MFHAS1: variants seen among roughly 807,000 people sequenced by gnomAD.
MFHAS1 encodes malignant fibrous histiocytoma-amplified sequence 1.
MFHAS1 carries 50 observed loss-of-function variants against 70.4 expected under a neutral mutation model. The ratio of observed to expected loss-of-function variants is 0.71; its 90% CI spans 0.57 to 0.90. The LOEUF (loss-of-function observed/expected upper bound fraction) is 0.90. MFHAS1 is among the 40% of genes least tolerant of loss of function. The probability of loss-of-function intolerance (pLI) is 0.00; values close to 1 mark genes in which losing one functional copy is unlikely to be tolerated. For missense variants in MFHAS1, 1,795 were observed against 1,347.6 expected (o/e 1.33, Z -5.20); for synonymous variants, 952 against 620.0 (o/e 1.54, Z -7.96).
In MFHAS1 at chr8:8,891,914, T is replaced by C; in HGVS notation, c.1145A>G (p.Tyr382Cys). 1 of 1,610,564 alleles carries C rather than the reference T, an allele frequency of 6.2e-7. No individual in the cohort carries two copies. Among genetic ancestry groups the C allele is most frequent in the Non-Finnish European group, 8.5e-7 (1 of 1,178,204 alleles). ...GGGGATCCCCTTCATGCAGACCTCGTAGGGGGGCTGGATCAGTGGGTTGTC... is the reference window on the plus strand; with the variant it reads ...GGGGATCCCCTTCATGCAGACCTCGCAGGGGGGCTGGATCAGTGGGTTGTC... The part of the protein sequence containing the change: ...IKDNPLIQPP[Y>C]EVCMKGIPYI... Residue 382 changes from tyrosine to cysteine, a missense_variant, in exon 1 of 3, where the codon TAC (tyrosine) becomes TGC (cysteine). Coordinates refer to ENST00000276282, the MANE Select transcript of MFHAS1 (RefSeq NM_004225.3). This position sits in a 1 kb window ranked among gnomAD's most constrained non-coding sequence, Gnocchi z 5.4.
At chr8:8,832,921 A>G (rs1807459963) in intron 1 of MFHAS1, among the ~76,000 whole-genome samples, 2 of 151,976 alleles carry the variant, frequency 1.3e-5, no homozygotes, top group Non-Finnish European at 2.9e-5. Context: ...AATACTTGAG[A>G]CCGGGTAATT....
chr8:8,790,015 G>A (rs1464135353), intron 2 of MFHAS1, among the ~76,000 whole-genome samples: 1 of 152,054 alleles, frequency 6.6e-6, no homozygotes, highest in African/African-American at 2.4e-5. Flanking sequence ...AGTTCCTGAA[G>A]GTGTGGACCC....
At chr8:8,831,151 C>A (rs1358055406) in intron 1 of MFHAS1, among the ~76,000 whole-genome samples, 1 of 151,776 alleles carries the variant, frequency 6.6e-6, no homozygotes, top group Admixed American at 6.6e-5. Flanking sequence ...AGTGGGCTCT[C>A]GGGGGTCTCT....
At chr8:8,819,498 G>A (rs533701381) in intron 1 of MFHAS1, among the ~76,000 whole-genome samples, 7 of 151,748 alleles carry the variant, frequency 4.6e-5, no homozygotes, top group Non-Finnish European at 8.8e-5. Context: ...CCAGCTACTC[G>A]GGAGGCTGAG....
At chr8:8,872,514 G>C (rs1190354704) in intron 1 of MFHAS1, among the ~76,000 whole-genome samples, 1 of 152,180 alleles carries the variant, frequency 6.6e-6, no homozygotes, top group Non-Finnish European at 1.5e-5. Flanking sequence ...GCAAGAAAAT[G>C]TTATCAGCCC....
At chr8:8,840,150 G>A (rs898691950) in intron 1 of MFHAS1, among the ~76,000 whole-genome samples, 1 of 152,114 alleles carries the variant, frequency 6.6e-6, no homozygotes. Context: ...GAAGACTCCA[G>A]GGACGCAACA....
chr8:8,847,052 C>T (rs899727884), intron 1 of MFHAS1, among the ~76,000 whole-genome samples: 2 of 152,176 alleles, frequency 1.3e-5, no homozygotes, highest in Admixed American at 1.3e-4. Context: ...CAAACACACT[C>T]AGAAAAACAA....
At chr8:8,887,380 T>C (rs1405632787) in intron 1 of MFHAS1, among the ~76,000 whole-genome samples, 1 of 151,950 alleles carries the variant, frequency 6.6e-6, no homozygotes, top group African/African-American at 2.4e-5. Context: ...CACAGAAAAA[T>C]ACAGAAGAGG....
rs766559867 is a variant in MFHAS1 at position 8,890,899 on chromosome 8, C to G, written c.2160G>C (p.Pro720=). Residue 720 remains proline (P), a synonymous_variant, in exon 1 of 3, where the codon CCG becomes CCC. Transcript: ENST00000276282. ...TGTGGAAGACGTGCTCCTTGAGAGC[C>G]GGACTGTCCTCAAAGTAGAGTAGCT... The part of the protein sequence containing the change: ...SGKLLYFEDS[P]ALKEHVFHNL... 5.0e-6 allele frequency: 8 copies of G among 1,613,952 alleles called. No homozygotes were observed. The East Asian group carries it at 1.3e-4, about 27-fold the overall frequency.
intron 2 of MFHAS1, chr8:8,790,480 G>T: frequency 1.8e-6 from 1 of 569,818 alleles, no homozygotes; most frequent in Non-Finnish European, 2.2e-6. Context: ...GCTGACGGGA[G>T]ACTAAATAAT....
At chr8:8,794,136 G>C (rs1263027344) in intron 2 of MFHAS1, among the ~76,000 whole-genome samples, 2 of 151,982 alleles carry the variant, frequency 1.3e-5, no homozygotes, top group Admixed American at 1.3e-4. Flanking sequence ...TTTGCAATGA[G>C]CTGAGATCGC....
intron 1 of MFHAS1, among the ~76,000 whole-genome samples, chr8:8,798,706 T>C (rs1296274402): frequency 1.3e-5 from 2 of 152,088 alleles, no homozygotes; most frequent in Non-Finnish European, 2.9e-5. Flanking sequence ...CTACTGCAAT[T>C]ACAACTTCAA....
intron 1 of MFHAS1, among the ~76,000 whole-genome samples, chr8:8,824,104 C>G (rs1807066671): frequency 6.6e-6 from 1 of 151,574 alleles, no homozygotes; most frequent in South Asian, 2.1e-4. Flanking sequence ...ATCTATGCAT[C>G]CGTACAGCTC....
intron 1 of MFHAS1, among the ~76,000 whole-genome samples, chr8:8,889,466 A>G (rs1809901637): frequency 1.3e-5 from 2 of 152,214 alleles, no homozygotes; most frequent in Admixed American, 1.3e-4. Flanking sequence ...TTTACTTTCT[A>G]ATTACATTCT....
chr8:8,785,737 C>CTTTTTTT lies in MFHAS1; in HGVS notation c.*278_*284dup, dbSNP rs36026181. 2 of 230,002 alleles carry CTTTTTTT rather than the reference C, an allele frequency of 8.7e-6. No homozygotes were observed. Among genetic ancestry groups the CTTTTTTT allele is most frequent in the Non-Finnish European group, 8.3e-6 (1 of 120,470 alleles). The allele number at this position is 230,002 out of a possible 1,614,324, so 14.2% of individuals were successfully genotyped here. A position where few individuals can be genotyped will look rare whatever the true frequency, so the allele number is the denominator to read the frequency against. ...ACAAAATCCCTGAGAAGCCATTCGA[C>CTTTTTTT]TTTTTTTTTTTTTTTTTCTTTTCTT... On this transcript the variant is annotated 3_prime_UTR_variant, in exon 3 of 3. Coordinates refer to ENST00000276282, the MANE Select transcript of MFHAS1 (RefSeq NM_004225.3).
intron 1 of MFHAS1, among the ~76,000 whole-genome samples, chr8:8,842,593 C>T (rs1807874181): frequency 6.6e-6 from 1 of 152,190 alleles, no homozygotes; most frequent in Non-Finnish European, 1.5e-5. Flanking sequence ...CTCATCCGTA[C>T]AGCCTTGCTA....
intron 1 of MFHAS1, among the ~76,000 whole-genome samples, chr8:8,859,463 T>C (rs186755807): frequency 3.0e-4 from 45 of 152,328 alleles, no homozygotes; most frequent in African/African-American, 1.1e-3. Flanking sequence ...CAGTTGATCG[T>C]TTAACAACAC....
chr8:8,890,627 AC>A lies in MFHAS1; in HGVS notation c.2431del (p.Val811SerfsTer31). The A allele has an allele frequency of 6.2e-7, 1 of 1,613,902 alleles. No individual in the cohort carries two copies. Among genetic ancestry groups the A allele is most frequent in the Non-Finnish European group, 8.5e-7 (1 of 1,179,970 alleles). On this transcript the variant is annotated frameshift_variant, in exon 1 of 3. Transcript: ENST00000276282. LOFTEE classifies it high-confidence loss of function. ...CAGCTGCAAGTCCTGCTGGGCCTGG[AC>A]ATGAGGCTTAAGCAGCAACCGAATG... ...HVIRLLLKPHVQAQQDLQLLL... is the reference protein window; with the variant it reads ...HVIRLLLKPHXQAQQDLQLLL...
intron 1 of MFHAS1, among the ~76,000 whole-genome samples, chr8:8,814,849 C>CTTTTTTTTTTTTTT: frequency 7.7e-6 from 1 of 130,430 alleles, no homozygotes. Flanking sequence ...GCTAGAATTT[C>CTTTTTTTTTTTTTT]TTTTTTTTTT....
Sources: allele counts gnomAD v4.1 joint callset (sites outside exome capture counted in the v4.1 genomes callset), GRCh38; gene constraint gnomAD v4.1.1; non-coding constraint Gnocchi (gnomAD v3.1); transcripts MANE v1.5; gene names NCBI Gene and HGNC (gene_info 2026-07-23, HGNC 2026-07-21).